Variants in THSD4 observed in about 807,000 individuals in gnomAD.
The protein encoded by THSD4 is thrombospondin type 1 domain containing 4.
A neutral mutation model predicts 119.0 loss-of-function variants in THSD4; 69 were observed. That is an observed-to-expected ratio of 0.58 (90% CI 0.48 to 0.71). The LOEUF (loss-of-function observed/expected upper bound fraction) is 0.71, where lower values mean the gene tolerates loss of function less well. Among genes scored for constraint, THSD4 ranks in the 30% least tolerant of loss-of-function variants. The pLI is 0.00. For synonymous variants in THSD4, 524 were observed against 540.4 expected, an observed-to-expected ratio of 0.97 and a Z score of 0.42; for missense variants, 1,393 against 1,391.1, an observed-to-expected ratio of 1.00 and a Z score of -0.02.
intron 7 of THSD4, among the ~76,000 whole-genome samples, chr15:71,496,795 G>T (rs888254798): frequency 3.3e-5 from 5 of 152,130 alleles, no homozygotes; most frequent in African/African-American, 1.2e-4. Context: ...TCTACCATAA[G>T]CAATACTAAA....
chr15:71,157,772 T>C (rs1449042931), intron 3 of THSD4, among the ~76,000 whole-genome samples: 1 of 144,760 alleles, frequency 6.9e-6, no homozygotes, highest in Non-Finnish European at 1.5e-5. Flanking sequence ...TTAAACATAA[T>C]AACCTCCAGG....
In THSD4 at chr15:71,748,524, C is replaced by G; in HGVS notation, c.2345C>G (p.Pro782Arg). The G allele has an allele frequency of 6.2e-7, 1 of 1,614,150 alleles. No homozygotes were observed. Among genetic ancestry groups the G allele is most frequent in the South Asian group, 1.1e-5 (1 of 91,078 alleles). ...DDEECNMKLRPNDIENCDMGP... is the reference protein window; with the variant it reads ...DDEECNMKLRRNDIENCDMGP... ...GAGGAATGCAACATGAAGCTCCGGC[C>G]GAATGACATTGAGAACTGCGACATG... Residue 782 changes from proline to arginine, a missense_variant, in exon 14 of 18, where the codon CCG becomes CGG. Pro to Arg is a moderately radical substitution (Grantham distance 103, BLOSUM62 -2). Transcript: ENST00000261862.
At chr15:71,483,246 A>G (rs951330635) in intron 7 of THSD4, among the ~76,000 whole-genome samples, 1 of 152,200 alleles carries the variant, frequency 6.6e-6, no homozygotes, top group Non-Finnish European at 1.5e-5. Context: ...ACGCAGTCAC[A>G]GTCTCCAATA....
At chr15:71,482,747 G>A (rs1480526569) in intron 7 of THSD4, among the ~76,000 whole-genome samples, 3 of 151,830 alleles carry the variant, frequency 2.0e-5, no homozygotes, top group South Asian at 2.1e-4. Flanking sequence ...CTCCACACAC[G>A]GCTAATATTT....
intron 5 of THSD4, among the ~76,000 whole-genome samples, chr15:71,249,779 G>T (rs1442785): frequency 0.035 from 5,365 of 152,020 alleles, 322 homozygotes; most frequent in African/African-American, 0.12. Flanking sequence ...TAGTTCTTAC[G>T]TTCATTCTCT....
chr15:71,535,911 G>A (rs114303435), intron 7 of THSD4, among the ~76,000 whole-genome samples: 2,078 of 152,164 alleles, frequency 0.014, 51 homozygotes, highest in African/African-American at 0.046. Context: ...ATCATTAGCA[G>A]CACCAGGGTC....
intron 2 of THSD4, among the ~76,000 whole-genome samples, chr15:71,152,120 G>A (rs2141380764): frequency 6.6e-6 from 1 of 152,224 alleles, no homozygotes; most frequent in Middle Eastern, 3.4e-3. Flanking sequence ...TACAAATACA[G>A]TATATTAAAA....
Position 71,455,214 on chromosome 15 carries a change from T to C in THSD4, c.1152+43391T>C, listed in dbSNP as rs907728632. ...CTTTGCTTTCCCTCCTTCTGCCTGA[T>C]GTAGAAGTCTTGAGCCCCTTGAGGC... On this transcript the variant is annotated intron_variant, in intron 7 of 17. Transcript: ENST00000261862. 2.0e-5 allele frequency among the ~76,000 whole-genome samples: 3 copies of C among 152,230 alleles called. No individual in the cohort carries two copies. The East Asian group carries it at 5.8e-4, about 29-fold the overall frequency.
chr15:71,172,727 A>ATATG, intron 3 of THSD4, among the ~76,000 whole-genome samples: 1 of 105,068 alleles, frequency 9.5e-6, no homozygotes, highest in East Asian at 2.6e-4. Flanking sequence ...ATATATATAT[A>ATATG]TATATATGTG....
chr15:71,528,485 C>A (rs1195569025), intron 7 of THSD4, among the ~76,000 whole-genome samples: 1 of 152,206 alleles, frequency 6.6e-6, no homozygotes, highest in Non-Finnish European at 1.5e-5. Flanking sequence ...CTACTGCAAC[C>A]TTTAGTAGAG....
chr15:71,516,428 T>G (rs2048362735), intron 7 of THSD4, among the ~76,000 whole-genome samples: 1 of 152,212 alleles, frequency 6.6e-6, no homozygotes, highest in Non-Finnish European at 1.5e-5. Context: ...TTGGCAGATC[T>G]TCATAGTCTC....
At chr15:71,590,735 G>T (rs1374315215) in intron 7 of THSD4, among the ~76,000 whole-genome samples, 1 of 152,096 alleles carries the variant, frequency 6.6e-6, no homozygotes, top group Non-Finnish European at 1.5e-5. Context: ...CAGGCACGAT[G>T]GCTCACGCCT....
At chr15:71,164,756 G>A (rs922288538) in intron 3 of THSD4, 89 of 1,590,316 alleles carry the variant, frequency 5.6e-5, no homozygotes, top group Non-Finnish European at 7.5e-5. Flanking sequence ...AAAAAAAACT[G>A]CGCTAGAACC....
rs544788086 is a variant in THSD4 at position 71,148,599 on chromosome 15, C to T, written c.30-6264C>T. On this transcript the variant is annotated intron_variant, in intron 2 of 17. Transcript: ENST00000261862. ...ATCCTCTGGTGGGACTGGATGAATG[C>T]AGCTTTATTGCGTCCACCTAGTTTC... Among the ~76,000 whole-genome samples the T allele has an allele frequency of 2.6e-5, 4 of 152,184 alleles. No homozygotes were observed. The East Asian group carries it at 7.7e-4, about 29-fold the overall frequency.
Position 71,524,183 on chromosome 15 carries a change from G to T in THSD4, c.1152+112360G>T, listed in dbSNP as rs528784387. ...AGATGGAATGAAGAAAACTGGAATCGGACAGTCTGATGAGGGCCAGGCTTG... is the reference window on the plus strand; with the variant it reads ...AGATGGAATGAAGAAAACTGGAATCTGACAGTCTGATGAGGGCCAGGCTTG... On this transcript the variant is annotated intron_variant, in intron 7 of 17. Coordinates refer to ENST00000261862, the MANE Select transcript of THSD4 (RefSeq NM_024817.3). Among the ~76,000 whole-genome samples the T allele has an allele frequency of 3.3e-5, 5 of 152,270 alleles. No individual in the cohort carries two copies. The East Asian group carries it at 9.6e-4, about 29-fold the overall frequency.
At chr15:71,640,049 T>C (rs943696192) in intron 7 of THSD4, among the ~76,000 whole-genome samples, 2 of 152,140 alleles carry the variant, frequency 1.3e-5, no homozygotes, top group Non-Finnish European at 2.9e-5. Context: ...TGGGGGCTTA[T>C]TGGAAAAGTG....
intron 14 of THSD4, 116 bp from the exon 15 acceptor site, chr15:71,757,786 C>A: frequency 7.4e-7 from 1 of 1,344,510 alleles, no homozygotes; most frequent in Non-Finnish European, 1.0e-6. Flanking sequence ...CCAGATATTT[C>A]TAGGGGAAAC....
rs78320270 is a variant in THSD4, at chr15:71,444,044, A to T, written c.1152+32221A>T. Among the ~76,000 whole-genome samples the T allele has an allele frequency of 5.7e-3, 865 of 152,170 alleles. 7 individuals are homozygous for T. The highest frequency in any genetic ancestry group is 0.02 in the African/African-American group (827 of 41,514). ...TCTAATAGACCTTTTGTCTGCATTT[A>T]AAAAAAAGTTCCTAAGAACTAGAAC... On this transcript the variant is annotated intron_variant, in intron 7 of 17. Transcript: ENST00000261862.
At chr15:71,199,082 A>G (rs2043745370) in intron 3 of THSD4, among the ~76,000 whole-genome samples, 2 of 152,168 alleles carry the variant, frequency 1.3e-5, no homozygotes, top group Non-Finnish European at 2.9e-5. Context: ...CAAGAAGCAA[A>G]CTGGCCTCCC....
Sources: allele counts gnomAD v4.1 joint callset (sites outside exome capture counted in the v4.1 genomes callset), GRCh38; gene constraint gnomAD v4.1.1; transcripts MANE v1.5; gene names NCBI Gene and HGNC (gene_info 2026-07-23, HGNC 2026-07-21).